Variants in ZNF385B observed in about 807,000 individuals in gnomAD.
The protein encoded by ZNF385B is zinc finger protein 385B, also known as zinc finger protein 533.
ZNF385B carries 23 observed loss-of-function variants against 39.2 expected under a neutral mutation model. The observed-to-expected ratio is 0.59, with a 90% CI of 0.42 to 0.83. The LOEUF (loss-of-function observed/expected upper bound fraction) is 0.83. ZNF385B is among the 40% of genes least tolerant of loss of function. ZNF385B has a pLI of 0.00. For synonymous variants in ZNF385B, 205 were observed against 222.6 expected, an observed-to-expected ratio of 0.92 and a Z score of 0.70; for missense variants, 552 against 598.9, an observed-to-expected ratio of 0.92 and a Z score of 0.82.
intron 4 of ZNF385B, among the ~76,000 whole-genome samples, chr2:179,527,990 A>AG (rs1161473304): frequency 6.6e-6 from 1 of 152,034 alleles, no homozygotes; most frequent in African/African-American, 2.4e-5. Flanking sequence ...TACCAGGAAA[A>AG]TTTTTAAAAA....
chr2:179,720,125 C>T (rs1227543084), intron 3 of ZNF385B, among the ~76,000 whole-genome samples: 2 of 151,966 alleles, frequency 1.3e-5, no homozygotes, highest in African/African-American at 2.4e-5. Flanking sequence ...GAGGGTAAAG[C>T]GACGGTCATC....
chr2:179,531,109 G>A (rs747621379), intron 4 of ZNF385B, among the ~76,000 whole-genome samples: 71 of 152,146 alleles, frequency 4.7e-4, no homozygotes, highest in South Asian at 1.5e-3. Context: ...AGTCTTTCTC[G>A]CTTGAAAATG....
At chr2:179,793,000 C>G (rs893969220) in intron 1 of ZNF385B, among the ~76,000 whole-genome samples, 34 of 152,244 alleles carry the variant, frequency 2.2e-4, no homozygotes, top group African/African-American at 8.2e-4. Flanking sequence ...TCCAAGTGTT[C>G]TAGGGACCAT....
chr2:179,645,714 T>C (rs1692661799), intron 3 of ZNF385B, among the ~76,000 whole-genome samples: 1 of 152,174 alleles, frequency 6.6e-6, no homozygotes, highest in Non-Finnish European at 1.5e-5. Flanking sequence ...TGTGGGGCTT[T>C]CTTTCTCATG....
intron 3 of ZNF385B, among the ~76,000 whole-genome samples, chr2:179,709,058 C>G (rs559768622): frequency 6.6e-6 from 1 of 152,148 alleles, no homozygotes; most frequent in Admixed American, 6.5e-5. Context: ...TCTTCAGCAT[C>G]CCCCTTGCCC....
intron 5 of ZNF385B, among the ~76,000 whole-genome samples, chr2:179,507,396 C>T (rs1205096886): frequency 1.3e-5 from 2 of 152,132 alleles, no homozygotes; most frequent in Non-Finnish European, 2.9e-5. Flanking sequence ...TCTCTCAAGT[C>T]TTTCTCAGTT....
chr2:179,674,146 T>C (rs1030845314), intron 3 of ZNF385B, among the ~76,000 whole-genome samples: 3 of 152,188 alleles, frequency 2.0e-5, no homozygotes, highest in Non-Finnish European at 2.9e-5. Context: ...TGAAAAAAAG[T>C]ATTTATCTAT....
chr2:179,620,118 C>T (rs1690086399), intron 3 of ZNF385B, among the ~76,000 whole-genome samples: 2 of 152,160 alleles, frequency 1.3e-5, no homozygotes, highest in South Asian at 4.1e-4. Context: ...CCCTAGTCAA[C>T]TTCCTGTTCT....
chr2:179,629,702 G>T (rs1389162690), intron 3 of ZNF385B, among the ~76,000 whole-genome samples: 1 of 152,194 alleles, frequency 6.6e-6, no homozygotes, highest in Non-Finnish European at 1.5e-5. Context: ...ATGAGCCAAA[G>T]CAGGGTGGGG....
chr2:179,759,702 T>C (rs1347874899), intron 3 of ZNF385B, among the ~76,000 whole-genome samples: 2 of 152,176 alleles, frequency 1.3e-5, no homozygotes, highest in Non-Finnish European at 2.9e-5. Context: ...AGTTAATCAT[T>C]CCTTTTTCTG....
At chr2:179,766,030 TCACACACACACA>T (rs71029829) in intron 3 of ZNF385B, among the ~76,000 whole-genome samples, 5 of 140,828 alleles carry the variant, frequency 3.6e-5, no homozygotes, top group Non-Finnish European at 7.6e-5. Context: ...GGTACATTGA[TCACACACACACA>T]CACACACACA....
chr2:179,591,815 T>C (rs1339117631), intron 3 of ZNF385B, among the ~76,000 whole-genome samples: 1 of 152,190 alleles, frequency 6.6e-6, no homozygotes, highest in East Asian at 1.9e-4. Context: ...ATTTATCAAG[T>C]GTCAGAGCTG....
chr2:179,498,930 A>G (rs1179314940), intron 5 of ZNF385B, among the ~76,000 whole-genome samples: 1 of 151,946 alleles, frequency 6.6e-6, no homozygotes, highest in East Asian at 1.9e-4. Context: ...ATTTAGCCAT[A>G]CTAAGAAAAA....
chr2:179,840,695 C>T (rs1292942338), intron 1 of ZNF385B, among the ~76,000 whole-genome samples: 1 of 152,076 alleles, frequency 6.6e-6, no homozygotes, highest in East Asian at 1.9e-4. Context: ...GCTTCCTTAC[C>T]TCCCATAACC....
At chr2:179,690,727 A>T (rs1365925487) in intron 3 of ZNF385B, among the ~76,000 whole-genome samples, 1 of 152,190 alleles carries the variant, frequency 6.6e-6, no homozygotes, top group Non-Finnish European at 1.5e-5. Context: ...CAGTTTTCTC[A>T]TCTGAAATAT....
chr2:179,598,204 A>G (rs1055846861), intron 3 of ZNF385B, among the ~76,000 whole-genome samples: 1 of 152,288 alleles, frequency 6.6e-6, no homozygotes. Flanking sequence ...ATACAGCCCA[A>G]ACTAAAACCC....
intron 3 of ZNF385B, among the ~76,000 whole-genome samples, chr2:179,577,026 T>A: frequency 6.6e-6 from 1 of 152,200 alleles, no homozygotes; most frequent in Middle Eastern, 3.4e-3. Flanking sequence ...AGATAAGATA[T>A]AAGGAATCCA....
Position 179,445,569 on chromosome 2 carries a change from G to T in ZNF385B, c.1121C>A (p.Ser374Ter). 1 of 1,610,020 alleles carries T rather than the reference G, an allele frequency of 6.2e-7. No homozygotes were observed. Among genetic ancestry groups the T allele is most frequent in the Non-Finnish European group, 8.5e-7 (1 of 1,178,830 alleles). Residue 374 changes from serine to a stop codon, truncating the protein, a stop_gained, in exon 8 of 10, where the codon TCA (serine) becomes TAA (stop). Coordinates refer to ENST00000410066, the MANE Select transcript of ZNF385B (RefSeq NM_152520.6). LOFTEE classifies it high-confidence loss of function. Reference protein sequence around the residue: ...HCEICDVHVNSEIQLKQHISS... With the variant: ...HCEICDVHVN Reference sequence around the variant, plus strand: ...CGTTACCTGTTTGAGTTGAATTTCTGAATTAACATGAACATCACAGATTTC... The same window carrying T: ...CGTTACCTGTTTGAGTTGAATTTCTTAATTAACATGAACATCACAGATTTC...
chr2:179,817,100 C>G (rs1055640407), intron 1 of ZNF385B, among the ~76,000 whole-genome samples: 2 of 152,140 alleles, frequency 1.3e-5, no homozygotes, highest in East Asian at 1.9e-4. Flanking sequence ...TATTCACAAA[C>G]AGAAAGCTCT....
Sources: allele counts gnomAD v4.1 joint callset (sites outside exome capture counted in the v4.1 genomes callset), GRCh38; gene constraint gnomAD v4.1.1; transcripts MANE v1.5; gene names NCBI Gene and HGNC (gene_info 2026-07-23, HGNC 2026-07-21).